LEP: variants seen among roughly 807,000 people sequenced by gnomAD.
The protein encoded by LEP is leptin, also known as leptin (murine obesity homolog).
LEP carries 6 observed loss-of-function variants against 9.8 expected under a neutral mutation model. The ratio of observed to expected loss-of-function variants is 0.61; its 90% CI spans 0.34 to 1.21. The LOEUF (loss-of-function observed/expected upper bound fraction) is 1.21, where lower values mean the gene tolerates loss of function less well. LEP is among the 50% of genes most tolerant of loss of function. The probability of loss-of-function intolerance (pLI) is 0.04; values close to 1 mark genes in which losing one functional copy is unlikely to be tolerated. For missense variants in LEP, 134 were observed against 198.1 expected, an observed-to-expected ratio of 0.68 and a Z score of 1.94; for synonymous variants, 112 against 81.7, an observed-to-expected ratio of 1.37 and a Z score of -2.00.
intron 1 of LEP, among the ~76,000 whole-genome samples, chr7:128,244,336 C>T (rs4731427): frequency 0.91 from 138,516 of 152,080 alleles, 63,261 homozygotes; most frequent in Middle Eastern, 0.97. Context: ...GAGATCAGAT[C>T]TTTCTGATGA....
rs2167270 is a variant in LEP, at chr7:128,241,296, G to A, written c.-39G>A. ...GAGCCCCGTAGGAATCGCAGCGCCAGCGGTTGCAAGGTAAGGCCCCGGCGC... is the reference window on the plus strand; with the variant it reads ...GAGCCCCGTAGGAATCGCAGCGCCAACGGTTGCAAGGTAAGGCCCCGGCGC... On this transcript the variant is annotated 5_prime_UTR_variant, in exon 1 of 3. Coordinates refer to ENST00000308868, the MANE Select transcript of LEP (RefSeq NM_000230.3). The A allele has an allele frequency of 0.37, 56,972 of 154,068 alleles. 10,689 individuals are homozygous for A. Among genetic ancestry groups the A allele is most frequent in the African/African-American group, 0.41 (16,979 of 41,542 alleles). 9.5% of individuals were successfully genotyped at this position (154,068 alleles called of 1,614,324 possible). A position where few individuals can be genotyped will look rare whatever the true frequency, so the allele number is the denominator to read the frequency against.
intron 1 of LEP, among the ~76,000 whole-genome samples, chr7:128,249,678 G>A (rs1795252190): frequency 6.6e-6 from 1 of 152,166 alleles, no homozygotes; most frequent in Non-Finnish European, 1.5e-5. Context: ...AAGACTAGCA[G>A]CCTCTACTAA....
chr7:128,251,955 C>T (rs575918652), intron 1 of LEP, 36 bp from the exon 2 acceptor site: 52 of 1,547,814 alleles, frequency 3.4e-5, no homozygotes, highest in African/African-American at 2.2e-4. Flanking sequence ...TCTGAGATAC[C>T]GGCTCCTTGC....
intron 1 of LEP, among the ~76,000 whole-genome samples, chr7:128,251,541 AT>A (rs1216292796): frequency 5.9e-5 from 9 of 152,258 alleles, no homozygotes; most frequent in Admixed American, 5.9e-4. Flanking sequence ...GCATCAGATA[AT>A]TTGATCCTCA....
chr7:128,249,696 A>T (rs545168567), intron 1 of LEP, among the ~76,000 whole-genome samples: 13 of 152,224 alleles, frequency 8.5e-5, no homozygotes, highest in African/African-American at 3.1e-4. Flanking sequence ...TAAAAGGGTG[A>T]TCTGTGTTGA....
Position 128,255,085 on chromosome 7 carries a change from A to C in LEP, c.*322A>C. 4 of 373,608 alleles carry C rather than the reference A, an allele frequency of 1.1e-5. No individual in the cohort carries two copies. Among genetic ancestry groups the C allele is most frequent in the South Asian group, 2.4e-5 (1 of 41,982 alleles). 23.1% of individuals were successfully genotyped at this position (373,608 alleles called of 1,614,324 possible). On this transcript the variant is annotated 3_prime_UTR_variant, in exon 3 of 3. Coordinates refer to ENST00000308868, the MANE Select transcript of LEP (RefSeq NM_000230.3). ...TCCCCTCTTGACCCATCTCCCCCTCACTGAATGCCTCAATGTGACCAGGGG... is the reference window on the plus strand; with the variant it reads ...TCCCCTCTTGACCCATCTCCCCCTCCCTGAATGCCTCAATGTGACCAGGGG...
At chr7:128,245,665 C>A (rs1372575038) in intron 1 of LEP, among the ~76,000 whole-genome samples, 1 of 152,186 alleles carries the variant, frequency 6.6e-6, no homozygotes, top group East Asian at 1.9e-4. Context: ...GAATTTAATT[C>A]ACAGTAGCAT....
Position 128,251,984 on chromosome 7 carries a change from T to C in LEP, c.-28-7T>C, listed in dbSNP as rs754814806. 6.2e-7 allele frequency: 1 copy of C among 1,613,492 alleles called. No individual in the cohort carries two copies. The highest frequency in any genetic ancestry group is 8.5e-7 in the Non-Finnish European group (1 of 1,179,460). ...TCCTTGCAGTGTGTGGTTCCTTCTG[T>C]TTTCAGGCCCAAGAAGCCCATCCTG... On this transcript the variant is annotated splice_polypyrimidine_tract_variant and splice_region_variant and intron_variant, in intron 1 of 2. Transcript: ENST00000308868.
chr7:128,250,163 G>A (rs7796202), intron 1 of LEP, among the ~76,000 whole-genome samples: 6,855 of 152,210 alleles, frequency 0.045, 443 homozygotes, highest in African/African-American at 0.15. Flanking sequence ...CACTACACCC[G>A]CCCATCTCTG....
chr7:128,250,765 G>A (rs1795265383), intron 1 of LEP, among the ~76,000 whole-genome samples: 1 of 152,132 alleles, frequency 6.6e-6, no homozygotes, highest in Non-Finnish European at 1.5e-5. Flanking sequence ...AACACGAAAA[G>A]CGGAGATTAA....
At chr7:128,242,252 G>A (rs1795160305) in intron 1 of LEP, among the ~76,000 whole-genome samples, 1 of 152,218 alleles carries the variant, frequency 6.6e-6, no homozygotes, top group South Asian at 2.1e-4. Flanking sequence ...GTGATCTTTG[G>A]GGAGGTGGGT....
intron 1 of LEP, among the ~76,000 whole-genome samples, chr7:128,246,286 C>T (rs544592618): frequency 6.6e-6 from 1 of 151,918 alleles, no homozygotes; most frequent in East Asian, 1.9e-4. Context: ...GGGCCCTGCA[C>T]ACAACTGCCA....
At chr7:128,244,983 C>T (rs1430029200) in intron 1 of LEP, among the ~76,000 whole-genome samples, 1 of 152,118 alleles carries the variant, frequency 6.6e-6, no homozygotes, top group Non-Finnish European at 1.5e-5. Flanking sequence ...ACTGGCCAGG[C>T]AATTGTAGCC....
At chr7:128,244,312 T>C (rs943081206) in intron 1 of LEP, among the ~76,000 whole-genome samples, 1 of 152,016 alleles carries the variant, frequency 6.6e-6, no homozygotes, top group Admixed American at 6.6e-5. Context: ...TAGAAACCTA[T>C]CTGTATCTCT....
Position 128,252,167 on chromosome 7 carries a change from G to A in LEP, c.144+5G>A. The stretch of plus-strand genomic sequence containing the variant: ...ATCAATGACATTTCACACACGGTAA[G>A]GAGAGTATGCGGGGACAAAGTAGAA... On this transcript the variant is annotated splice_donor_5th_base_variant and intron_variant, in intron 2 of 2. Coordinates refer to ENST00000308868, the MANE Select transcript of LEP (RefSeq NM_000230.3). The A allele has an allele frequency of 1.2e-6, 2 of 1,614,162 alleles. No homozygotes were observed. Among genetic ancestry groups the A allele is most frequent in the South Asian group, 1.1e-5 (1 of 91,084 alleles).
intron 1 of LEP, among the ~76,000 whole-genome samples, chr7:128,248,248 T>A (rs1282263031): frequency 6.6e-6 from 1 of 152,000 alleles, no homozygotes; most frequent in Non-Finnish European, 1.5e-5. Context: ...CTGGCCAACA[T>A]GGTGAAATCC....
intron 2 of LEP, among the ~76,000 whole-genome samples, chr7:128,253,062 G>C (rs761653448): frequency 7.2e-5 from 11 of 152,020 alleles, no homozygotes; most frequent in Non-Finnish European, 7.4e-5. Context: ...CACCTTCTGC[G>C]CTCGCCTTCC....
intron 1 of LEP, among the ~76,000 whole-genome samples, chr7:128,241,561 G>A (rs1795151831): frequency 6.6e-6 from 1 of 152,244 alleles, no homozygotes. Flanking sequence ...CCAGGTCCCT[G>A]GGAGACTGTC....
In LEP at chr7:128,252,013, A is replaced by G; in HGVS notation, c.-6A>G. 6.2e-7 allele frequency: 1 copy of G among 1,614,216 alleles called. No homozygotes were observed. The highest frequency in any genetic ancestry group is 1.7e-5 in the Admixed American group (1 of 60,028). The stretch of plus-strand genomic sequence containing the variant: ...CAGGCCCAAGAAGCCCATCCTGGGA[A>G]GGAAAATGCATTGGGGAACCCTGTG... On this transcript the variant is annotated 5_prime_UTR_variant, in exon 2 of 3. Transcript: ENST00000308868.
Sources: allele counts gnomAD v4.1 joint callset (sites outside exome capture counted in the v4.1 genomes callset), GRCh38; gene constraint gnomAD v4.1.1; transcripts MANE v1.5; gene names NCBI Gene and HGNC (gene_info 2026-07-23, HGNC 2026-07-21).